SLC4A10: variants seen among roughly 807,000 people sequenced by gnomAD.
SLC4A10 encodes the protein sodium-driven chloride bicarbonate exchanger.
Under a neutral mutation model 137.7 loss-of-function variants are expected in SLC4A10, and 42 were observed. That is an observed-to-expected ratio of 0.30 (90% CI 0.24 to 0.39). The LOEUF is 0.39. Among genes scored for constraint, SLC4A10 ranks in the 10% least tolerant of loss-of-function variants. The probability of loss-of-function intolerance (pLI) is 1.00; values close to 1 mark genes in which losing one functional copy is unlikely to be tolerated. For synonymous variants in SLC4A10, 474 were observed against 464.1 expected, an observed-to-expected ratio of 1.02 and a Z score of -0.27; for missense variants, 925 against 1,355.0, an observed-to-expected ratio of 0.68 and a Z score of 4.98.
At chr2:161,801,691 C>G (rs1055251343) in intron 2 of SLC4A10, among the ~76,000 whole-genome samples, 3 of 152,230 alleles carry the variant, frequency 2.0e-5, no homozygotes, top group Non-Finnish European at 4.4e-5. Context: ...CTGTCTTAAA[C>G]TCTAAAGGGA....
intron 23 of SLC4A10, among the ~76,000 whole-genome samples, chr2:161,972,654 A>G (rs1380983002): frequency 2.0e-5 from 3 of 152,224 alleles, no homozygotes; most frequent in East Asian, 1.9e-4. Flanking sequence ...GGTAATGTAC[A>G]TGCCATTAGC....
rs561963493 is a variant in SLC4A10, at chr2:161,977,915, T to C, written c.*26+155T>C. On this transcript the variant is annotated intron_variant, in intron 26 of 26. Coordinates refer to ENST00000446997, the MANE Select transcript of SLC4A10 (RefSeq NM_001178015.2). ...GCTCAGATCCAGTAGCAGACTGAGT[T>C]TGATGATATATCTGTAACAACTCAG... Among the ~76,000 whole-genome samples the C allele has an allele frequency of 2.6e-5, 4 of 152,274 alleles. No individual in the cohort carries two copies. The East Asian group carries it at 7.7e-4, about 29-fold the overall frequency.
chr2:161,817,791 G>T (rs1394127275), intron 3 of SLC4A10, among the ~76,000 whole-genome samples: 5 of 151,954 alleles, frequency 3.3e-5, no homozygotes, highest in African/African-American at 1.2e-4. Context: ...GATAGTTGTA[G>T]ATATGCGGCA....
At chr2:161,860,535 T>TTA (rs1397795244) in intron 5 of SLC4A10, among the ~76,000 whole-genome samples, 3 of 152,222 alleles carry the variant, frequency 2.0e-5, no homozygotes. Flanking sequence ...TATGCATATT[T>TTA]TATATACATT....
At chr2:161,932,385 T>C (rs561267610) in intron 15 of SLC4A10, among the ~76,000 whole-genome samples, 3 of 152,216 alleles carry the variant, frequency 2.0e-5, no homozygotes, top group Non-Finnish European at 4.4e-5. Flanking sequence ...ATGGGTATAA[T>C]GTATAAGCCT....
chr2:161,776,891 G>GT (rs1234538638), intron 2 of SLC4A10, among the ~76,000 whole-genome samples: 1 of 145,706 alleles, frequency 6.9e-6, no homozygotes, highest in African/African-American at 2.6e-5. Flanking sequence ...GTGTGTGTGT[G>GT]TTTTGATAGT....
intron 26 of SLC4A10, among the ~76,000 whole-genome samples, chr2:161,978,143 G>C (rs1000474705): frequency 1.3e-5 from 2 of 152,052 alleles, no homozygotes; most frequent in Non-Finnish European, 2.9e-5. Flanking sequence ...CCAGCATTTT[G>C]GGATGCCAAG....
chr2:161,981,872 G>C (rs1700263683), intron 26 of SLC4A10, among the ~76,000 whole-genome samples: 1 of 152,216 alleles, frequency 6.6e-6, no homozygotes, highest in African/African-American at 2.4e-5. Flanking sequence ...CCAGCTCTCA[G>C]AGCTGGCAGC....
chr2:161,934,273 T>C (rs1691163517), intron 15 of SLC4A10, among the ~76,000 whole-genome samples: 2 of 152,162 alleles, frequency 1.3e-5, no homozygotes, highest in African/African-American at 4.8e-5. Flanking sequence ...TACCTAACTA[T>C]ATTTTTGTAC....
chr2:161,918,010 A>G (rs968664203), intron 15 of SLC4A10, among the ~76,000 whole-genome samples: 1 of 152,162 alleles, frequency 6.6e-6, no homozygotes, highest in Admixed American at 6.5e-5. Flanking sequence ...TTTGTCGAAC[A>G]CTCAACACTG....
At chr2:161,936,508 C>G (rs1691609726) in intron 15 of SLC4A10, among the ~76,000 whole-genome samples, 1 of 152,052 alleles carries the variant, frequency 6.6e-6, no homozygotes, top group African/African-American at 2.4e-5. Context: ...CTGATTCAAC[C>G]TTAGTAGGTT....
At chr2:161,697,013 T>C (rs1047589480) in intron 1 of SLC4A10, among the ~76,000 whole-genome samples, 1 of 152,232 alleles carries the variant, frequency 6.6e-6, no homozygotes, top group Non-Finnish European at 1.5e-5. Flanking sequence ...TGGTGTGAGA[T>C]GGTATCTCAC....
At chr2:161,768,945 C>A (rs535942493) in intron 1 of SLC4A10, among the ~76,000 whole-genome samples, 1 of 152,074 alleles carries the variant, frequency 6.6e-6, no homozygotes, top group African/African-American at 2.4e-5. Flanking sequence ...ATCACAAATT[C>A]GTTTCCCATA....
At chr2:161,926,115 T>G (rs1319275150) in intron 15 of SLC4A10, among the ~76,000 whole-genome samples, 1 of 152,048 alleles carries the variant, frequency 6.6e-6, no homozygotes, top group African/African-American at 2.4e-5. Flanking sequence ...CTTGTCAACT[T>G]TCTGTCTCGT....
intron 2 of SLC4A10, among the ~76,000 whole-genome samples, chr2:161,786,863 G>C (rs528376795): frequency 1.3e-5 from 2 of 150,098 alleles, no homozygotes; most frequent in African/African-American, 2.5e-5. Context: ...ACTCATTTCT[G>C]TTCAAAGTTA....
chr2:161,766,534 G>A (rs889185472), intron 1 of SLC4A10, among the ~76,000 whole-genome samples: 1 of 152,070 alleles, frequency 6.6e-6, no homozygotes, highest in African/African-American at 2.4e-5. Context: ...TTTGACCTTT[G>A]AACATGGATA....
chr2:161,636,744 T>A (rs2034456628), intron 1 of SLC4A10, among the ~76,000 whole-genome samples: 1 of 152,120 alleles, frequency 6.6e-6, no homozygotes, highest in Admixed American at 6.6e-5. Context: ...GGCTGGAGTT[T>A]AGTCGTGCAA....
intron 21 of SLC4A10, among the ~76,000 whole-genome samples, chr2:161,963,631 G>T (rs1349304793): frequency 2.0e-5 from 3 of 152,112 alleles, no homozygotes; most frequent in African/African-American, 7.2e-5. Context: ...CTGGATAAGG[G>T]TCTAGAACTC....
At chr2:161,767,139 ATGTGTGTGTGTGTGTGTGTGTGTGTTT>A (rs2050944040) in intron 1 of SLC4A10, among the ~76,000 whole-genome samples, 21 of 57,116 alleles carry the variant, frequency 3.7e-4, no homozygotes, top group East Asian at 8.3e-4. Context: ...ATATATATAT[ATGTGTGTGTGTGTGTGTGTGTGTGTTT>A]TATTTATATA....
Sources: allele counts gnomAD v4.1 joint callset (sites outside exome capture counted in the v4.1 genomes callset), GRCh38; gene constraint gnomAD v4.1.1; transcripts MANE v1.5; gene names NCBI Gene and HGNC (gene_info 2026-07-23, HGNC 2026-07-21).